Variants in CDC6 observed in about 807,000 individuals in gnomAD.
CDC6 encodes the protein cell division cycle 6.
A neutral mutation model predicts 60.2 loss-of-function variants in CDC6; 46 were observed. The observed-to-expected ratio is 0.76, with a 90% CI of 0.60 to 0.98. The LOEUF is 0.98. CDC6 is among the 50% of genes least tolerant of loss of function. The pLI, the probability that CDC6 is intolerant of heterozygous loss-of-function variation, is 0.00. For missense variants in CDC6, 596 were observed against 652.9 expected (o/e 0.91, Z 0.95); for synonymous variants, 210 against 233.2 (o/e 0.90, Z 0.90).
At position 40,301,452 on chromosome 17, in the gene CDC6, C is replaced by T. The variant is rs911793153; in HGVS notation, c.1453-16C>T. The stretch of plus-strand genomic sequence containing the variant: ...TGACTTTTAAGCAGCGTTTGTTCTC[C>T]CTTGTTTCCTACCAGTTATATGAAG... On this transcript the variant is annotated splice_polypyrimidine_tract_variant and intron_variant, in intron 10 of 11. Transcript: ENST00000209728. 3.4e-5 allele frequency: 55 copies of T among 1,613,458 alleles called. No homozygotes were observed. The highest frequency in any genetic ancestry group is 1.6e-4 in the Middle Eastern group (1 of 6,082).
In CDC6 at chr17:40,302,752, C is replaced by A. The variant is rs944841097; in HGVS notation, c.*751C>A. ...AGTCCACATGGAGATTTGGAGGACA[C>A]TGGTTAAAGAATTTATTTCTTTGTA... On this transcript the variant is annotated 3_prime_UTR_variant, in exon 12 of 12. Coordinates refer to ENST00000209728, the MANE Select transcript of CDC6 (RefSeq NM_001254.4). 1 of 152,244 alleles carries A rather than the reference C, an allele frequency of 6.6e-6. No homozygotes were observed. The highest frequency in any genetic ancestry group is 1.5e-5 in the Non-Finnish European group (1 of 68,092). The allele number at this position is 152,244 out of a possible 1,614,324, so 9.4% of individuals were successfully genotyped here. A position where few individuals can be genotyped will look rare whatever the true frequency, so the allele number is the denominator to read the frequency against.
In CDC6 at chr17:40,295,423, C is replaced by T; in HGVS notation, c.1151C>T (p.Ser384Leu). 6.2e-7 allele frequency: 1 copy of T among 1,613,122 alleles called. No homozygotes were observed. The highest frequency in any genetic ancestry group is 8.5e-7 in the Non-Finnish European group (1 of 1,179,564). The change falls in exon 8 of 12, where the codon TCA (serine) becomes TTA (leucine). Residue 384 changes from serine (S) to leucine (L), a missense_variant. Physicochemically the swap from Ser to Leu is moderately radical, Grantham distance 145. Coordinates refer to ENST00000209728, the MANE Select transcript of CDC6 (RefSeq NM_001254.4). ...QFCARKVSAV[S>L]GDVRKALDVC... ...TGTGCCCGCAAAGTCTCTGCTGTTT[C>T]AGGAGATGTTCGCAAAGCACTGGAT...
Position 40,302,399 on chromosome 17 carries a change from G to T in CDC6, c.*398G>T, listed in dbSNP as rs1157623022. The T allele has an allele frequency of 4.3e-6, 1 of 234,716 alleles. No homozygotes were observed. Among genetic ancestry groups the T allele is most frequent in the African/African-American group, 2.3e-5 (1 of 42,702 alleles). The allele number at this position is 234,716 out of a possible 1,614,324, so 14.5% of individuals were successfully genotyped here. ...GAGGCGCGTCTCACCCTGTTGCCCA[G>T]GCTGGAGTGCAATGGCGCGTTCTCT... On this transcript the variant is annotated 3_prime_UTR_variant, in exon 12 of 12. Transcript: ENST00000209728.
At chr17:40,293,928 C>T (rs767571522) in intron 5 of CDC6, 22 bp from the exon 6 acceptor site, 25 of 1,576,832 alleles carry the variant, frequency 1.6e-5, no homozygotes, top group Non-Finnish European at 2.1e-5. Flanking sequence ...AATATGGATA[C>T]TAACTGTTTC....
In CDC6 at chr17:40,294,447, T is replaced by C; in HGVS notation, c.1027T>C (p.Phe343Leu). ...REKCKPQLLN[F>L]PPYTRNQIVT... ...AAAATGTAAGCCACAGCTGTTGAAC[T>C]TCCCACCTTATACCAGAAATCAGAT... Residue 343 changes from phenylalanine to leucine, a missense_variant, in exon 7 of 12, where the codon TTC (phenylalanine) becomes CTC (leucine). Coordinates refer to ENST00000209728, the MANE Select transcript of CDC6 (RefSeq NM_001254.4). 1 of 1,613,826 alleles carries C rather than the reference T, an allele frequency of 6.2e-7. No homozygotes were observed. The highest frequency in any genetic ancestry group is 8.5e-7 in the Non-Finnish European group (1 of 1,179,728).
At chr17:40,296,546 G>A (rs894107740) in intron 8 of CDC6, among the ~76,000 whole-genome samples, 157 bp from the exon 9 acceptor site, 7 of 152,124 alleles carry the variant, frequency 4.6e-5, no homozygotes, top group Non-Finnish European at 8.8e-5. Context: ...AAAGTTACAC[G>A]TAGGATATGT....
Position 40,302,113 on chromosome 17 carries a change from T to C in CDC6, c.*112T>C, listed in dbSNP as rs1598519819. 1 of 761,544 alleles carries C rather than the reference T, an allele frequency of 1.3e-6. No homozygotes were observed. Among genetic ancestry groups the C allele is most frequent in the South Asian group, 1.4e-5 (1 of 70,022 alleles). 47.2% of individuals were successfully genotyped at this position (761,544 alleles called of 1,614,324 possible). ...TGAAAACAAATATGACCTTTTTTAC[T>C]TGAAGCCAATGAATTTTAATCTATA... On this transcript the variant is annotated 3_prime_UTR_variant, in exon 12 of 12. Coordinates refer to ENST00000209728, the MANE Select transcript of CDC6 (RefSeq NM_001254.4).
chr17:40,296,157 C>A (rs1002935851), intron 8 of CDC6, among the ~76,000 whole-genome samples: 1 of 152,112 alleles, frequency 6.6e-6, no homozygotes, highest in African/African-American at 2.4e-5. Flanking sequence ...AAAGTTTCCC[C>A]TAATCAGCAA....
intron 4 of CDC6, among the ~76,000 whole-genome samples, chr17:40,292,231 G>A (rs572463540): frequency 1.2e-3 from 186 of 152,088 alleles, no homozygotes; most frequent in African/African-American, 4.2e-3. Flanking sequence ...GTTTCACCAT[G>A]TTGCCCAGAC....
intron 7 of CDC6, 136 bp from the exon 8 acceptor site, chr17:40,295,220 G>T: frequency 2.8e-6 from 2 of 715,680 alleles, no homozygotes; most frequent in South Asian, 1.5e-5. Context: ...TTTATGAGAA[G>T]AAAAGGCATC....
At chr17:40,293,338 T>C (rs1007870304) in intron 4 of CDC6, 118 bp from the exon 5 acceptor site, 16 of 735,316 alleles carry the variant, frequency 2.2e-5, no homozygotes, top group Non-Finnish European at 3.1e-5. Flanking sequence ...TTTAAATCTT[T>C]CCAAATGAAA....
chr17:40,303,583 A>G lies in CDC6; in HGVS notation c.*1582A>G, dbSNP rs1418998962. 1 of 152,262 alleles carries G rather than the reference A, an allele frequency of 6.6e-6. No homozygotes were observed. 9.4% of individuals were successfully genotyped at this position (152,262 alleles called of 1,614,324 possible). A position where few individuals can be genotyped will look rare whatever the true frequency, so the allele number is the denominator to read the frequency against. On this transcript the variant is annotated 3_prime_UTR_variant, in exon 12 of 12. Transcript: ENST00000209728. ...ATGAACACTACCCACTGGTGTGTGT[A>G]GCACATGATAGTCTGTAGGCATGAG...
intron 1 of CDC6, 149 bp from the exon 2 acceptor site, chr17:40,289,259 G>A (rs1657604676): frequency 2.8e-6 from 2 of 711,656 alleles, no homozygotes; most frequent in South Asian, 1.6e-5. Flanking sequence ...GCATAGATTT[G>A]GATGTGAAGC....
Position 40,288,838 on chromosome 17 carries a change from A to G in CDC6, c.-13-570A>G, listed in dbSNP as rs377075985. 5.3e-5 allele frequency among the ~76,000 whole-genome samples: 8 copies of G among 152,210 alleles called. No individual in the cohort carries two copies. The East Asian group carries it at 7.7e-4, about 15-fold the overall frequency. On this transcript the variant is annotated intron_variant, in intron 1 of 11. Coordinates refer to ENST00000209728, the MANE Select transcript of CDC6 (RefSeq NM_001254.4). ...CTCGGCCTCCCAAAGTGTTGGGATT[A>G]CAGGCGTGAGCCACCGCGTTTGGCC...
chr17:40,293,851 C>A, intron 5 of CDC6, 99 bp from the exon 6 acceptor site: 1 of 1,060,748 alleles, frequency 9.4e-7, no homozygotes, highest in Non-Finnish European at 1.5e-6. Context: ...GATCTTTAAA[C>A]TGGTCTCAGC....
chr17:40,293,965 C>T lies in CDC6; in HGVS notation c.852C>T (p.Asp284=), dbSNP rs139225893. The part of the protein sequence containing the change: ...EKGPMIVLVL[D]EMDQLDSKGQ... ...CTTTTTATAGTGTGTTGGTATTGGA[C>T]GAGATGGATCAACTGGACAGCAAAG... The change falls in exon 6 of 12, where the codon GAC becomes GAT. Residue 284 remains aspartate (D), a synonymous_variant. Coordinates refer to ENST00000209728, the MANE Select transcript of CDC6 (RefSeq NM_001254.4). The T allele has an allele frequency of 8.1e-6, 13 of 1,612,860 alleles. No individual in the cohort carries two copies. Among genetic ancestry groups the T allele is most frequent in the Admixed American group, 3.3e-5 (2 of 59,994 alleles).
At chr17:40,288,965 T>C (rs541817006) in intron 1 of CDC6, among the ~76,000 whole-genome samples, 2 of 152,112 alleles carry the variant, frequency 1.3e-5, no homozygotes, top group East Asian at 3.9e-4. Context: ...CCTCCCAAAG[T>C]GCTGGGATTA....
rs1218157852 is a variant in CDC6 at position 40,291,801 on chromosome 17, A to T, written c.660+133A>T. On this transcript the variant is annotated intron_variant, in intron 4 of 11. Coordinates refer to ENST00000209728, the MANE Select transcript of CDC6 (RefSeq NM_001254.4). Reference sequence around the variant, plus strand: ...CGCTCTGTCGCCTAGGCTGTAGTGCAGTGGCGCGATCTCGGCTCACTGCAA... The same window carrying T: ...CGCTCTGTCGCCTAGGCTGTAGTGCTGTGGCGCGATCTCGGCTCACTGCAA... 3.4e-6 allele frequency: 3 copies of T among 890,218 alleles called. No individual in the cohort carries two copies. The Admixed American group carries it at 5.9e-5, about 18-fold the overall frequency. The allele number at this position is 890,218 out of a possible 1,614,324, so 55.1% of individuals were successfully genotyped here.
chr17:40,301,780 G>A lies in CDC6; in HGVS notation c.1594-132G>A. The A allele has an allele frequency of 3.3e-6, 3 of 896,158 alleles. No individual in the cohort carries two copies. The South Asian group carries it at 4.1e-5, about 12-fold the overall frequency. The allele number at this position is 896,158 out of a possible 1,614,324, so 55.5% of individuals were successfully genotyped here. A position where few individuals can be genotyped will look rare whatever the true frequency, so the allele number is the denominator to read the frequency against. ...GAGTGTGATATGAATATTTTTTCAA[G>A]CCATTGGAAAAAAAAGTGTTTAACT... On this transcript the variant is annotated intron_variant, in intron 11 of 11. Transcript: ENST00000209728.
Sources: allele counts gnomAD v4.1 joint callset (sites outside exome capture counted in the v4.1 genomes callset), GRCh38; gene constraint gnomAD v4.1.1; transcripts MANE v1.5; gene names NCBI Gene and HGNC (gene_info 2026-07-23, HGNC 2026-07-21).